The following ACYP2 variants were observed in gnomAD, a reference collection of about 807,000 sequenced individuals.
ACYP2 encodes the protein acylphosphatase-2.
ACYP2 carries 12 observed loss-of-function variants against 11.2 expected under a neutral mutation model. The ratio of observed to expected loss-of-function variants is 1.08; its 90% CI spans 0.69 to 1.74. The LOEUF is 1.74. Ranked by LOEUF, ACYP2 falls within the 40% of genes most tolerant of loss-of-function variation. The pLI is 0.00. For synonymous variants in ACYP2, 43 were observed against 32.2 expected, an observed-to-expected ratio of 1.33 and a Z score of -1.13; for missense variants, 134 against 101.9, an observed-to-expected ratio of 1.31 and a Z score of -1.35.
chr2:54,230,864 C>T (rs1267572137), intron 6 of ACYP2, among the ~76,000 whole-genome samples: 1 of 133,184 alleles, frequency 7.5e-6, no homozygotes, highest in African/African-American at 2.8e-5. Context: ...AAGTCTTGCT[C>T]TTGTCCCCCA....
chr2:54,119,452 G>C (rs1680015533), intron 4 of ACYP2, among the ~76,000 whole-genome samples: 1 of 152,166 alleles, frequency 6.6e-6, no homozygotes, highest in Admixed American at 6.5e-5. Flanking sequence ...TAATGGCTAT[G>C]AAAGTAAATT....
intron 4 of ACYP2, among the ~76,000 whole-genome samples, chr2:54,105,402 C>T (rs570981263): frequency 1.6e-4 from 25 of 152,290 alleles, no homozygotes; most frequent in Admixed American, 7.2e-4. Context: ...CATTCTTCAG[C>T]GATCACTTCC....
chr2:54,146,709 C>G (rs1681910211), intron 6 of ACYP2, among the ~76,000 whole-genome samples: 1 of 151,954 alleles, frequency 6.6e-6, no homozygotes, highest in South Asian at 2.1e-4. Flanking sequence ...TTCATAGCAT[C>G]TCATTCTTGT....
intron 6 of ACYP2, among the ~76,000 whole-genome samples, chr2:54,211,488 G>A (rs538572409): frequency 1.1e-3 from 166 of 152,270 alleles, no homozygotes; most frequent in Non-Finnish European, 2.1e-3. Flanking sequence ...CATCTACTTG[G>A]TATCCTGATC....
chr2:54,013,255 ATGTGTG>A (rs60289014), intron 2 of ACYP2, among the ~76,000 whole-genome samples: 25,861 of 116,986 alleles, frequency 0.22, 3,634 homozygotes, highest in Non-Finnish European at 0.25. Context: ...ACCATCTAAT[ATGTGTG>A]TGTGTGTGTG....
chr2:54,000,612 G>C (rs764648196), intron 2 of ACYP2, among the ~76,000 whole-genome samples: 1 of 152,176 alleles, frequency 6.6e-6, no homozygotes. Flanking sequence ...CATTAATTGA[G>C]AAGTGACAGA....
At position 54,255,647 on chromosome 2, in the gene ACYP2, C is replaced by G. The variant is rs762227245; in HGVS notation, c.405-49041C>G. 5 of 1,613,614 alleles carry G rather than the reference C, an allele frequency of 3.1e-6. No homozygotes were observed. The South Asian group carries it at 5.5e-5, about 18-fold the overall frequency. ...TTTTCTTCCGCCACGTCCATTTCTT[C>G]GCCTCCTGGCTTCTCATCCACTGGG... is the stretch of plus-strand genomic sequence containing the variant. On this transcript the variant is annotated intron_variant, in intron 6 of 6. Transcript: ENST00000607452.
At chr2:54,044,324 G>A (rs1241746863) in intron 2 of ACYP2, among the ~76,000 whole-genome samples, 1 of 152,150 alleles carries the variant, frequency 6.6e-6, no homozygotes, top group Non-Finnish European at 1.5e-5. Context: ...GCTGAGTGCG[G>A]TGGCTCATGC....
chr2:53,982,094 C>A (rs1671792291), intron 2 of ACYP2, among the ~76,000 whole-genome samples: 1 of 151,756 alleles, frequency 6.6e-6, no homozygotes, highest in Non-Finnish European at 1.5e-5. Context: ...ACAATAGAGT[C>A]AGTGAAGAGA....
intron 2 of ACYP2, among the ~76,000 whole-genome samples, chr2:53,980,348 G>C (rs1671687844): frequency 6.6e-6 from 1 of 151,162 alleles, no homozygotes; most frequent in Non-Finnish European, 1.5e-5. Flanking sequence ...GTGAGACCCT[G>C]TCTCAAAAAA....
At chr2:54,031,231 T>A (rs1674569823) in intron 2 of ACYP2, among the ~76,000 whole-genome samples, 1 of 151,842 alleles carries the variant, frequency 6.6e-6, no homozygotes, top group African/African-American at 2.4e-5. Flanking sequence ...ACCCATTAAC[T>A]CATCATTTAC....
chr2:54,118,159 G>T (rs1679925008), intron 4 of ACYP2, among the ~76,000 whole-genome samples: 1 of 152,178 alleles, frequency 6.6e-6, no homozygotes, highest in South Asian at 2.1e-4. Context: ...TTGAAGATCT[G>T]GAAATTGATT....
intron 6 of ACYP2, among the ~76,000 whole-genome samples, chr2:54,273,886 C>T (rs1451034887): frequency 6.6e-6 from 1 of 152,296 alleles, no homozygotes; most frequent in Admixed American, 6.5e-5. Flanking sequence ...TAGTTACAAA[C>T]AATTATTTTT....
intron 2 of ACYP2, among the ~76,000 whole-genome samples, chr2:53,979,192 T>G (rs898161042): frequency 5.3e-5 from 8 of 152,060 alleles, no homozygotes; most frequent in African/African-American, 1.9e-4. Flanking sequence ...TGCAACAAGA[T>G]GTGGGGGTAG....
chr2:54,195,692 T>G (rs1251089983), intron 6 of ACYP2, among the ~76,000 whole-genome samples: 2 of 151,846 alleles, frequency 1.3e-5, no homozygotes, highest in African/African-American at 2.4e-5. Context: ...TTTAAAGCTT[T>G]TTCTTAGGAG....
intron 4 of ACYP2, among the ~76,000 whole-genome samples, chr2:54,119,206 C>T (rs1265379629): frequency 6.6e-6 from 1 of 151,628 alleles, no homozygotes; most frequent in Non-Finnish European, 1.5e-5. Context: ...GCATGAGTCA[C>T]CATGCCCAGC....
intron 6 of ACYP2, among the ~76,000 whole-genome samples, chr2:54,217,210 C>T (rs1325756817): frequency 1.3e-5 from 2 of 152,182 alleles, no homozygotes; most frequent in Non-Finnish European, 2.9e-5. Context: ...TAGGTCATCA[C>T]TGTCCAATAG....
intron 4 of ACYP2, among the ~76,000 whole-genome samples, chr2:54,070,735 T>G (rs1487368689): frequency 8.2e-6 from 1 of 122,298 alleles, no homozygotes; most frequent in Non-Finnish European, 1.9e-5. Flanking sequence ...CTATTCCATT[T>G]TTTTTTTTTT....
intron 6 of ACYP2, among the ~76,000 whole-genome samples, chr2:54,183,822 A>C (rs1161488909): frequency 6.6e-6 from 1 of 152,310 alleles, no homozygotes; most frequent in African/African-American, 2.4e-5. Flanking sequence ...TTATAATTTA[A>C]TCTTATATTT....
Sources: gnomAD v4.1 joint callset for allele counts (sites outside exome capture counted in the v4.1 genomes callset) on GRCh38, gnomAD v4.1.1 for gene constraint, MANE v1.5 for transcripts, NCBI Gene and HGNC (gene_info 2026-07-23, HGNC 2026-07-21) for gene names.